Variants in PCMTD1 observed in about 807,000 individuals in gnomAD.
PCMTD1 encodes the protein protein-L-isoaspartate (D-aspartate) O-methyltransferase domain containing 1.
PCMTD1 carries 12 observed loss-of-function variants against 37.6 expected under a neutral mutation model. The ratio of observed to expected loss-of-function variants is 0.32; its 90% CI spans 0.20 to 0.52. The LOEUF (loss-of-function observed/expected upper bound fraction) is 0.52. Among genes scored for constraint, PCMTD1 ranks in the 20% least tolerant of loss-of-function variants. PCMTD1 has a pLI of 0.97. For synonymous variants in PCMTD1, 117 were observed against 135.8 expected (o/e 0.86, Z 0.96); for missense variants, 235 against 421.3 (o/e 0.56, Z 3.87).
intron 1 of PCMTD1, among the ~76,000 whole-genome samples, chr8:51,878,218 C>A (rs1429066377): frequency 1.4e-5 from 2 of 147,092 alleles, no homozygotes; most frequent in Non-Finnish European, 3.0e-5. Flanking sequence ...AATTCGTAAA[C>A]TTTCTTAAAA....
chr8:51,889,713 G>T (rs1168396619), intron 1 of PCMTD1, among the ~76,000 whole-genome samples: 3 of 152,098 alleles, frequency 2.0e-5, no homozygotes, highest in African/African-American at 4.8e-5. Flanking sequence ...ATTTAACAGG[G>T]TCTCATGCTG....
At chr8:51,881,261 C>T (rs2038787680) in intron 1 of PCMTD1, among the ~76,000 whole-genome samples, 1 of 152,026 alleles carries the variant, frequency 6.6e-6, no homozygotes, top group African/African-American at 2.4e-5. Context: ...GTTGGTGGTG[C>T]CACTAAACAT....
At chr8:51,827,790 T>C (rs896176489) in intron 5 of PCMTD1, among the ~76,000 whole-genome samples, 5 of 152,114 alleles carry the variant, frequency 3.3e-5, no homozygotes, top group African/African-American at 1.2e-4. Flanking sequence ...TCTGTAAATA[T>C]TTCAGAGGTA....
At chr8:51,835,388 A>T (rs1403760214) in intron 3 of PCMTD1, among the ~76,000 whole-genome samples, 1 of 152,200 alleles carries the variant, frequency 6.6e-6, no homozygotes, top group Non-Finnish European at 1.5e-5. Flanking sequence ...CCTAGGTTAG[A>T]GAATCATATT....
intron 2 of PCMTD1, among the ~76,000 whole-genome samples, chr8:51,853,962 A>G (rs4618684): frequency 0.69 from 104,590 of 152,170 alleles, 42,405 homozygotes; most frequent in Non-Finnish European, 0.9. Flanking sequence ...TGATTTGGGC[A>G]GTTCAAATAA....
intron 2 of PCMTD1, among the ~76,000 whole-genome samples, chr8:51,846,177 T>C (rs2038216520): frequency 6.6e-6 from 1 of 152,180 alleles, no homozygotes; most frequent in African/African-American, 2.4e-5. Flanking sequence ...ATTACATGAA[T>C]GTCTCAGGGC....
At chr8:51,882,818 T>TTA (rs1554526373) in intron 1 of PCMTD1, among the ~76,000 whole-genome samples, 1 of 137,568 alleles carries the variant, frequency 7.3e-6, no homozygotes, top group Non-Finnish European at 1.5e-5. Flanking sequence ...ATAGCATACT[T>TTA]AAAAAAAAAA....
At chr8:51,880,976 A>G (rs753798001) in intron 1 of PCMTD1, among the ~76,000 whole-genome samples, 9 of 152,182 alleles carry the variant, frequency 5.9e-5, no homozygotes, top group Non-Finnish European at 1.2e-4. Context: ...GAAAGTAAAC[A>G]CCATTCTTAG....
intron 3 of PCMTD1, among the ~76,000 whole-genome samples, chr8:51,843,296 A>G (rs755166931): frequency 6.6e-5 from 10 of 152,128 alleles, no homozygotes; most frequent in South Asian, 4.1e-4. Flanking sequence ...TCTGCAATAC[A>G]TAAGAGTAAT....
At chr8:51,845,614 T>C in intron 3 of PCMTD1, 47 bp downstream of exon 3, 1 of 1,297,924 alleles carries the variant, frequency 7.7e-7, no homozygotes, top group Non-Finnish European at 1.1e-6. Context: ...ATGTTGCATG[T>C]ATCTATTAAG....
At chr8:51,876,820 G>A (rs12676361) in intron 1 of PCMTD1, among the ~76,000 whole-genome samples, 104,533 of 152,138 alleles carry the variant, frequency 0.69, 42,390 homozygotes, top group Non-Finnish European at 0.9. Flanking sequence ...TAAGTTGGGG[G>A]AGAAGGAAAA....
At chr8:51,891,628 T>A (rs1018367984) in intron 1 of PCMTD1, among the ~76,000 whole-genome samples, 2 of 148,706 alleles carry the variant, frequency 1.3e-5, no homozygotes, top group Non-Finnish European at 3.0e-5. Context: ...AGAGAATATA[T>A]CATTATTCAG....
In PCMTD1 at chr8:51,899,019, C is replaced by A; in HGVS notation, c.-185G>T. ...CGCCGCTACCACCACAATAACAACACGGACGCCACCGCCGAGTGGAGAGGC... is the reference window on the plus strand; with the variant it reads ...CGCCGCTACCACCACAATAACAACAAGGACGCCACCGCCGAGTGGAGAGGC... On this transcript the variant is annotated 5_prime_UTR_variant, in exon 1 of 6. Coordinates refer to ENST00000522514, the MANE Select transcript of PCMTD1 (RefSeq NM_052937.4). 3 of 1,513,208 alleles carry A rather than the reference C, an allele frequency of 2.0e-6. No individual in the cohort carries two copies. Among genetic ancestry groups the A allele is most frequent in the Non-Finnish European group, 2.6e-6 (3 of 1,137,736 alleles). The allele number at this position is 1,513,208 out of a possible 1,614,324, so 93.7% of individuals were successfully genotyped here.
intron 1 of PCMTD1, among the ~76,000 whole-genome samples, chr8:51,885,554 C>A (rs2038853570): frequency 6.6e-6 from 1 of 152,170 alleles, no homozygotes; most frequent in African/African-American, 2.4e-5. Context: ...TGCTTCTCTC[C>A]TATAAACTTA....
intron 5 of PCMTD1, among the ~76,000 whole-genome samples, chr8:51,822,662 C>T (rs575654905): frequency 2.6e-5 from 4 of 152,240 alleles, no homozygotes; most frequent in Admixed American, 6.5e-5. Flanking sequence ...TGTGTGCTGC[C>T]TTTCCCACCA....
At chr8:51,849,893 A>G (rs1046720261) in intron 2 of PCMTD1, 3 of 601,556 alleles carry the variant, frequency 5.0e-6, no homozygotes, top group South Asian at 4.0e-5. Context: ...GATGAGTAGA[A>G]GACTGAGGCA....
rs1005608707 is a variant in PCMTD1 at position 51,898,674 on chromosome 8, G to A, written c.-96+256C>T. 9.2e-5 allele frequency among the ~76,000 whole-genome samples: 14 copies of A among 151,824 alleles called. No homozygotes were observed. In the South Asian group the frequency reaches 1.9e-3, roughly 20 times the overall value. On this transcript the variant is annotated intron_variant, in intron 1 of 5. Coordinates refer to ENST00000522514, the MANE Select transcript of PCMTD1 (RefSeq NM_052937.4). ...CAGGGACCCCGGCTCCCGACCTCCA[G>A]GCTTCGCTGGGCCCCTTTCGACTCC... is the stretch of plus-strand genomic sequence containing the variant.
intron 1 of PCMTD1, among the ~76,000 whole-genome samples, chr8:51,884,786 C>T (rs939841069): frequency 1.3e-5 from 2 of 152,150 alleles, no homozygotes; most frequent in Admixed American, 1.3e-4. Context: ...TCTATGGTAT[C>T]CTAGAGGATA....
chr8:51,827,373 A>C, intron 5 of PCMTD1: 2 of 799,168 alleles, frequency 2.5e-6, no homozygotes, highest in Non-Finnish European at 3.7e-6. Context: ...TGAAAATATT[A>C]AATGGAAAAA....
Sources: gnomAD v4.1 joint callset for allele counts (sites outside exome capture counted in the v4.1 genomes callset) on GRCh38, gnomAD v4.1.1 for gene constraint, MANE v1.5 for transcripts, NCBI Gene and HGNC (gene_info 2026-07-23, HGNC 2026-07-21) for gene names.